Variants in SCN9A observed in about 807,000 individuals in gnomAD.
The protein encoded by SCN9A is sodium voltage-gated channel alpha subunit 9.
In SCN9A, 131 loss-of-function variants were observed where a neutral mutation model predicts 187.0. That is an observed-to-expected ratio of 0.70 (90% confidence interval 0.61 to 0.81). SCN9A has a LOEUF of 0.81. Ranked by LOEUF, SCN9A falls within the 30% of genes least tolerant of loss-of-function variation. SCN9A has a pLI of 0.00. For synonymous variants in SCN9A, 809 were observed against 808.6 expected (o/e 1.00, Z -0.01); for missense variants, 2,252 against 2,396.6 (o/e 0.94, Z 1.26).
chr2:166,198,564 G>T lies in SCN9A; in HGVS notation c.*108C>A. 3 of 849,098 alleles carry T rather than the reference G, an allele frequency of 3.5e-6. No homozygotes were observed. Among genetic ancestry groups the T allele is most frequent in the African/African-American group, 1.7e-5 (1 of 58,368 alleles). 52.6% of individuals were successfully genotyped at this position (849,098 alleles called of 1,614,324 possible). ...CAGAGTTAGTGACTGCACTGCCTTCGAGAATATTTTGATAAAAAGGATTTT... is the reference window on the plus strand; with the variant it reads ...CAGAGTTAGTGACTGCACTGCCTTCTAGAATATTTTGATAAAAAGGATTTT... On this transcript the variant is annotated 3_prime_UTR_variant, in exon 27 of 27. Transcript: ENST00000642356.
chr2:166,280,441 G>A lies in SCN9A; in HGVS notation c.2259C>T (p.Cys753=). ...DPFVDLAITI[C]IVLNTLFMAM... is the part of the protein sequence containing the mutation. The stretch of plus-strand genomic sequence containing the variant: ...CCATAAATAATGTGTTTAAAACTAT[G>A]CAAATGGTAATTGCAAGATCTACAA... Residue 753 remains cysteine, a synonymous_variant, in exon 14 of 27, where the codon TGC becomes TGT. Transcript: ENST00000642356. 1 of 1,591,092 alleles carries A rather than the reference G, an allele frequency of 6.3e-7. No homozygotes were observed. Among genetic ancestry groups the A allele is most frequent in the South Asian group, 1.1e-5 (1 of 87,594 alleles).
intron 12 of SCN9A, among the ~76,000 whole-genome samples, chr2:166,283,114 A>T (rs1436898839): frequency 6.6e-6 from 1 of 151,926 alleles, no homozygotes; most frequent in Non-Finnish European, 1.5e-5. Context: ...AAACTCTTAA[A>T]TGAAGAAACT....
intron 20 of SCN9A, among the ~76,000 whole-genome samples, chr2:166,236,053 T>G (rs1202205541): frequency 6.6e-6 from 1 of 152,086 alleles, no homozygotes; most frequent in Non-Finnish European, 1.5e-5. Context: ...ATCTAAAATA[T>G]TGTATAATTT....
chr2:166,290,943 A>C (rs1325303577), intron 9 of SCN9A, among the ~76,000 whole-genome samples: 4 of 152,152 alleles, frequency 2.6e-5, no homozygotes, highest in African/African-American at 9.7e-5. Context: ...AAATAATAAG[A>C]GCTATTTATG....
chr2:166,287,154 T>C (rs1191648433), intron 10 of SCN9A, among the ~76,000 whole-genome samples: 1 of 152,162 alleles, frequency 6.6e-6, no homozygotes, highest in African/African-American at 2.4e-5. Context: ...GATAACCTAG[T>C]ACTATCCCTT....
At chr2:166,319,129 A>G (rs1699177753) in intron 1 of SCN9A, among the ~76,000 whole-genome samples, 1 of 152,126 alleles carries the variant, frequency 6.6e-6, no homozygotes, top group Admixed American at 6.5e-5. Flanking sequence ...AAAAAGAATG[A>G]AAATTAGATT....
chr2:166,330,650 G>A (rs1418172041), intron 1 of SCN9A, among the ~76,000 whole-genome samples: 5 of 152,176 alleles, frequency 3.3e-5, no homozygotes. Flanking sequence ...CAGCAGGGAA[G>A]GAGGTAGGTT....
chr2:166,275,267 C>T (rs750887554), intron 16 of SCN9A, among the ~76,000 whole-genome samples: 19 of 152,114 alleles, frequency 1.2e-4, no homozygotes, highest in Non-Finnish European at 2.6e-4. Flanking sequence ...CCCAATTTCA[C>T]GATTTTATGT....
At chr2:166,222,959 A>AAAAAAAAAAAAAAAAAAAAAAAAAAAAAC (rs1558960927) in intron 24 of SCN9A, among the ~76,000 whole-genome samples, 1 of 146,910 alleles carries the variant, frequency 6.8e-6, no homozygotes. Flanking sequence ...AAAAAAAAAA[A>AAAAAAAAAAAAAAAAAAAAAAAAAAAAAC]AAAAAAAAAA....
At chr2:166,270,405 T>C (rs1198131189) in intron 17 of SCN9A, among the ~76,000 whole-genome samples, 1 of 151,834 alleles carries the variant, frequency 6.6e-6, no homozygotes, top group African/African-American at 2.4e-5. Flanking sequence ...CATCTGCAGA[T>C]TTTAGTCTCT....
rs1160770737 is a variant in SCN9A at position 166,311,174 on chromosome 2, C to G, written c.258+325G>C. Among the ~76,000 whole-genome samples, 2 of 128,406 alleles carry G rather than the reference C, an allele frequency of 1.6e-5. 1 individual carries two copies. The highest frequency in any genetic ancestry group is 6.4e-5 in the African/African-American group (2 of 31,482). 84.2% of individuals were successfully genotyped at this position (128,406 alleles called of 152,430 possible). The stretch of plus-strand genomic sequence containing the variant: ...ATGACCAGTTAGTGGGTGCAGCGCA[C>G]CAGCATGGCACATGTATACATATGT... On this transcript the variant is annotated intron_variant, in intron 2 of 26. Coordinates refer to ENST00000642356, the MANE Select transcript of SCN9A (RefSeq NM_001365536.1).
Position 166,277,092 on chromosome 2 carries a change from C to T in SCN9A, c.2765G>A (p.Arg922His), listed in dbSNP as rs1697269216. ...DFFHSFLIVF[R>H]VLCGEWIETM... The stretch of plus-strand genomic sequence containing the variant: ...CTCTATCCACTCTCCACACAGCACG[C>T]GGAACACAATCAGGAAGGAGTGGAA... Residue 922 changes from arginine to histidine, a missense_variant, in exon 16 of 27, where the codon CGC (arginine) becomes CAC (histidine). Physicochemically the swap from Arg to His is conservative, Grantham distance 29. Coordinates refer to ENST00000642356, the MANE Select transcript of SCN9A (RefSeq NM_001365536.1). 1.2e-6 allele frequency: 2 copies of T among 1,614,020 alleles called. No homozygotes were observed. Among genetic ancestry groups the T allele is most frequent in the Non-Finnish European group, 1.7e-6 (2 of 1,179,978 alleles).
intron 1 of SCN9A, among the ~76,000 whole-genome samples, chr2:166,315,480 A>T (rs1213178445): frequency 6.6e-6 from 1 of 152,196 alleles, no homozygotes; most frequent in Non-Finnish European, 1.5e-5. Flanking sequence ...GGTACCATGC[A>T]TGGGCAATAT....
intron 24 of SCN9A, 24 bp from the exon 25 acceptor site, chr2:166,204,488 A>C (rs1693702474): frequency 1.4e-6 from 2 of 1,449,236 alleles, no homozygotes; most frequent in East Asian, 4.6e-5. Flanking sequence ...CAAAAAATAA[A>C]TGTAGTTAAA....
intron 14 of SCN9A, among the ~76,000 whole-genome samples, chr2:166,279,338 A>T (rs2106473467): frequency 6.6e-6 from 1 of 152,250 alleles, no homozygotes; most frequent in Admixed American, 6.5e-5. Flanking sequence ...ACCACAGCAA[A>T]AGCAAAATTA....
At chr2:166,301,671 T>C (rs1365772793) in intron 7 of SCN9A, 4 of 150,840 alleles carry the variant, frequency 2.7e-5, no homozygotes. Flanking sequence ...TGAGAAAACT[T>C]AAGTTTAAAT....
chr2:166,226,809 A>C, intron 23 of SCN9A, 105 bp from the exon 24 acceptor site: 4 of 742,180 alleles, frequency 5.4e-6, no homozygotes, highest in Non-Finnish European at 8.1e-6. Flanking sequence ...CTAGGTAAAC[A>C]TAGGATTTAA....
intron 1 of SCN9A, among the ~76,000 whole-genome samples, chr2:166,318,877 A>T (rs1699172973): frequency 6.6e-6 from 1 of 152,154 alleles, no homozygotes; most frequent in Non-Finnish European, 1.5e-5. Context: ...TTTAAAAATT[A>T]AAAAAGTACA....
At chr2:166,217,757 G>A (rs1694398740) in intron 24 of SCN9A, among the ~76,000 whole-genome samples, 1 of 152,074 alleles carries the variant, frequency 6.6e-6, no homozygotes, top group African/African-American at 2.4e-5. Flanking sequence ...CTTATACATT[G>A]TTAGTGAAAA....
Sources: allele counts gnomAD v4.1 joint callset (sites outside exome capture counted in the v4.1 genomes callset), GRCh38; gene constraint gnomAD v4.1.1; transcripts MANE v1.5; gene names NCBI Gene and HGNC (gene_info 2026-07-23, HGNC 2026-07-21).